The following TENM2 variants were observed in gnomAD, a reference collection of about 807,000 sequenced individuals.
TENM2 encodes teneurin transmembrane protein 2, also known as teneurin-2.
A neutral mutation model predicts 245.2 loss-of-function variants in TENM2; 52 were observed. The observed-to-expected ratio is 0.21, with a 90% CI of 0.17 to 0.27. The LOEUF (loss-of-function observed/expected upper bound fraction) is 0.27, where lower values mean the gene tolerates loss of function less well. Ranked by LOEUF, TENM2 falls within the 10% of genes least tolerant of loss-of-function variation. TENM2 has a pLI of 1.00. For missense variants in TENM2, 3,046 were observed against 3,666.8 expected (o/e 0.83, Z 4.37); for synonymous variants, 1,363 against 1,438.9 (o/e 0.95, Z 1.19).
chr5:168,086,069 A>G (rs544157434), intron 7 of TENM2, among the ~76,000 whole-genome samples: 1 of 152,284 alleles, frequency 6.6e-6, no homozygotes, highest in East Asian at 1.9e-4. Context: ...TGGACCCAGT[A>G]ATAACATCTT....
intron 3 of TENM2, among the ~76,000 whole-genome samples, chr5:167,894,115 T>G (rs1774982821): frequency 6.6e-6 from 1 of 152,176 alleles, no homozygotes; most frequent in Non-Finnish European, 1.5e-5. Flanking sequence ...GGCAGAAGCT[T>G]TCTTATTTAT....
At chr5:168,103,154 A>G (rs1402154010) in intron 9 of TENM2, among the ~76,000 whole-genome samples, 2 of 151,830 alleles carry the variant, frequency 1.3e-5, no homozygotes, top group Non-Finnish European at 2.9e-5. Flanking sequence ...TCCTTGCGAT[A>G]GTTTGCTGAG....
chr5:167,576,466 G>A (rs888557817), intron 2 of TENM2, among the ~76,000 whole-genome samples: 4 of 151,824 alleles, frequency 2.6e-5, no homozygotes, highest in Non-Finnish European at 5.9e-5. Context: ...AATCATTACC[G>A]TTTATGATGT....
chr5:167,839,438 C>T (rs577236222), intron 2 of TENM2, among the ~76,000 whole-genome samples: 14 of 152,146 alleles, frequency 9.2e-5, no homozygotes, highest in Admixed American at 2.0e-4. Context: ...TTGTTAGCAT[C>T]GAAAACCAAG....
chr5:167,233,279 C>CT, the TENM2 span, among the ~76,000 whole-genome samples: 10 of 152,182 alleles, frequency 6.6e-5, no homozygotes, highest in South Asian at 1.9e-3. Context: ...TGTACTCAAA[C>CT]TTTCTTTTAA....
At chr5:167,581,412 G>A (rs180878963) in intron 2 of TENM2, among the ~76,000 whole-genome samples, 1 of 152,330 alleles carries the variant, frequency 6.6e-6, no homozygotes, top group Admixed American at 6.5e-5. Flanking sequence ...AGTCGATGAT[G>A]TAGTATAATG....
chr5:168,007,413 G>A (rs1191825517), intron 5 of TENM2, among the ~76,000 whole-genome samples: 3 of 152,204 alleles, frequency 2.0e-5, no homozygotes, highest in Non-Finnish European at 4.4e-5. Context: ...CCAGGTGTGA[G>A]CCACCACACC....
intron 7 of TENM2, among the ~76,000 whole-genome samples, chr5:168,076,005 T>C (rs917005350): frequency 5.3e-5 from 8 of 152,104 alleles, no homozygotes; most frequent in Admixed American, 1.3e-4. Context: ...ATGGGAATTA[T>C]GGGAGCTACA....
the TENM2 span, among the ~76,000 whole-genome samples, chr5:167,014,835 A>G: frequency 3.9e-5 from 6 of 152,218 alleles, no homozygotes; most frequent in African/African-American, 7.2e-5. Context: ...CAGAAGTGAC[A>G]TTTCACCTTT....
chr5:167,062,829 G>A, the TENM2 span, among the ~76,000 whole-genome samples: 1 of 152,196 alleles, frequency 6.6e-6, no homozygotes, highest in Non-Finnish European at 1.5e-5. Context: ...CTTCTTGGCA[G>A]AGAAAATAGT....
the TENM2 span, among the ~76,000 whole-genome samples, chr5:167,154,437 T>C: frequency 2.6e-5 from 4 of 152,170 alleles, no homozygotes; most frequent in African/African-American, 9.6e-5. Context: ...ATGATAGAAA[T>C]AGAGTCAAAA....
chr5:167,479,288 T>C (rs768390514), intron 2 of TENM2, among the ~76,000 whole-genome samples: 1 of 152,128 alleles, frequency 6.6e-6, no homozygotes, highest in Non-Finnish European at 1.5e-5. Flanking sequence ...TTAAATTGCA[T>C]ACAAAACAGG....
intron 27 of TENM2, among the ~76,000 whole-genome samples, chr5:168,250,104 GTGGATGGA>G (rs57452450): frequency 0.11 from 15,093 of 137,714 alleles, 939 homozygotes; most frequent in East Asian, 0.25. Flanking sequence ...GGCTGGATGA[GTGGATGGA>G]TGGATGGATG....
chr5:167,058,379 T>C, the TENM2 span, among the ~76,000 whole-genome samples: 5 of 152,216 alleles, frequency 3.3e-5, no homozygotes, highest in African/African-American at 1.2e-4. Flanking sequence ...ATGATGACTT[T>C]TACAAACTCT....
intron 3 of TENM2, among the ~76,000 whole-genome samples, chr5:167,941,208 A>C (rs1779148657): frequency 1.3e-5 from 2 of 152,224 alleles, no homozygotes; most frequent in Non-Finnish European, 2.9e-5. Flanking sequence ...AAGAAACTTG[A>C]AAACCTTGAT....
At chr5:167,748,577 C>A (rs930170621) in intron 2 of TENM2, among the ~76,000 whole-genome samples, 3 of 145,466 alleles carry the variant, frequency 2.1e-5, no homozygotes, top group Non-Finnish European at 4.7e-5. Flanking sequence ...TTTATTAATC[C>A]ATTTTCACAT....
At chr5:167,375,413 G>A (rs1479516648) in exon 2 of TENM2, 20 of 1,551,582 alleles carry the variant, frequency 1.3e-5, no homozygotes, top group Non-Finnish European at 1.6e-5. Flanking sequence ...GTCCAGTCGT[G>A]AAAACTCGGC....
chr5:168,193,222 AC>A (rs2152515389), intron 14 of TENM2, among the ~76,000 whole-genome samples: 1 of 152,362 alleles, frequency 6.6e-6, no homozygotes, highest in East Asian at 1.9e-4. Context: ...TAACTCCAAG[AC>A]ATAGGTTGAA....
chr5:168,238,186 G>GAGA lies in TENM2; in HGVS notation c.5521-6234_5521-6233insAGA, dbSNP rs1562320617. Among the ~76,000 whole-genome samples the GAGA allele has an allele frequency of 1.7e-4, 6 of 35,336 alleles. 1 individual carries two copies. The highest frequency in any genetic ancestry group is 1.7e-3 in the African/African-American group (4 of 2,390). The allele number at this position is 35,336 out of a possible 152,430, so 23.2% of individuals were successfully genotyped here. On this transcript the variant is annotated intron_variant, in intron 25 of 28. Coordinates refer to ENST00000518659, the Ensembl canonical transcript of TENM2. ...GAGAGAGAGAGAGAGAGAGAGAGAG[G>GAGA]GAGGGAGGGAGGGAGGGAGGGAGGG...
Sources: allele counts gnomAD v4.1 joint callset (sites outside exome capture counted in the v4.1 genomes callset), GRCh38; gene constraint gnomAD v4.1.1; transcripts MANE v1.5; gene names NCBI Gene and HGNC (gene_info 2026-07-23, HGNC 2026-07-21).